FSTL5: variants seen among roughly 807,000 people sequenced by gnomAD.
FSTL5 encodes the protein follistatin like 5.
Under a neutral mutation model 89.1 loss-of-function variants are expected in FSTL5, and 62 were observed. The ratio of observed to expected loss-of-function variants is 0.70; its 90% CI spans 0.57 to 0.86. FSTL5 has a LOEUF of 0.86. Ranked by LOEUF, FSTL5 falls within the 40% of genes least tolerant of loss-of-function variation. The pLI is 0.00. For missense variants in FSTL5, 1,057 were observed against 1,001.6 expected, an observed-to-expected ratio of 1.06 and a Z score of -0.75; for synonymous variants, 383 against 346.2, an observed-to-expected ratio of 1.11 and a Z score of -1.18.
intron 1 of FSTL5, among the ~76,000 whole-genome samples, chr4:162,154,566 TG>T (rs1261714499): frequency 6.6e-6 from 1 of 152,184 alleles, no homozygotes; most frequent in African/African-American, 2.4e-5. Flanking sequence ...CCATGTTGCA[TG>T]CAATAAGTTC....
chr4:161,615,267 C>T (rs1286351604), intron 7 of FSTL5, among the ~76,000 whole-genome samples: 4 of 129,890 alleles, frequency 3.1e-5, no homozygotes, highest in African/African-American at 1.2e-4. Flanking sequence ...GCACTCCAGC[C>T]TGGGCAACAG....
At chr4:161,475,256 T>A (rs780986366) in intron 13 of FSTL5, among the ~76,000 whole-genome samples, 12 of 152,162 alleles carry the variant, frequency 7.9e-5, no homozygotes, top group Non-Finnish European at 1.6e-4. Context: ...TAGTTGGACT[T>A]TGTTGATCTT....
chr4:161,883,523 G>A (rs992913100), intron 4 of FSTL5, among the ~76,000 whole-genome samples: 37 of 151,936 alleles, frequency 2.4e-4, no homozygotes, highest in Admixed American at 2.0e-3. Flanking sequence ...CCCTTGATAC[G>A]TATTCCAATA....
At chr4:162,122,015 C>G (rs13110528) in intron 1 of FSTL5, among the ~76,000 whole-genome samples, 51,388 of 151,736 alleles carry the variant, frequency 0.34, 8,965 homozygotes, top group African/African-American at 0.41. Flanking sequence ...TACAAAGTAC[C>G]TGCTAATTGA....
At chr4:162,162,609 T>C (rs931457233) in intron 1 of FSTL5, among the ~76,000 whole-genome samples, 53 of 152,186 alleles carry the variant, frequency 3.5e-4, no homozygotes, top group African/African-American at 1.2e-3. Flanking sequence ...ACTTCTATCA[T>C]TTAATAATTG....
intron 7 of FSTL5, 139 bp from the exon 8 acceptor site, chr4:161,587,714 G>A: frequency 3.5e-6 from 2 of 574,318 alleles, no homozygotes; most frequent in South Asian, 5.4e-5. Flanking sequence ...ATTGTTGGGT[G>A]TATAAGCGTA....
intron 7 of FSTL5, among the ~76,000 whole-genome samples, chr4:161,616,174 C>A (rs1427952543): frequency 1.3e-5 from 2 of 151,946 alleles, no homozygotes; most frequent in South Asian, 2.1e-4. Context: ...GCAACCTCTG[C>A]CTCCTGGGTT....
At chr4:161,621,557 T>C (rs1735124526) in intron 7 of FSTL5, among the ~76,000 whole-genome samples, 1 of 151,834 alleles carries the variant, frequency 6.6e-6, no homozygotes, top group East Asian at 1.9e-4. Context: ...ACAATGACAA[T>C]AGAAGAAACC....
intron 4 of FSTL5, among the ~76,000 whole-genome samples, chr4:161,831,054 A>T (rs1213616743): frequency 6.6e-6 from 1 of 151,892 alleles, no homozygotes; most frequent in East Asian, 1.9e-4. Context: ...TCCAGTAAAA[A>T]GTATTCTTGT....
chr4:161,485,801 C>G (rs1729658311), intron 12 of FSTL5, among the ~76,000 whole-genome samples: 1 of 151,928 alleles, frequency 6.6e-6, no homozygotes, highest in African/African-American at 2.4e-5. Flanking sequence ...AACGTATGGA[C>G]TTTGGAAGAT....
chr4:161,785,312 T>C (rs1186814649), intron 4 of FSTL5, among the ~76,000 whole-genome samples: 2 of 152,214 alleles, frequency 1.3e-5, no homozygotes, highest in African/African-American at 4.8e-5. Flanking sequence ...GGAGTCAGTC[T>C]CAGGAGGACA....
At chr4:161,669,088 G>A (rs1475046089) in intron 6 of FSTL5, among the ~76,000 whole-genome samples, 1 of 143,118 alleles carries the variant, frequency 7.0e-6, no homozygotes, top group Non-Finnish European at 1.5e-5. Context: ...CTCCAGCCTG[G>A]GTGACAGAGT....
At chr4:161,635,310 C>G (rs1196931428) in intron 7 of FSTL5, among the ~76,000 whole-genome samples, 1 of 152,080 alleles carries the variant, frequency 6.6e-6, no homozygotes, top group Non-Finnish European at 1.5e-5. Flanking sequence ...ATTGCTTTAA[C>G]CTGGGAGGCG....
At chr4:161,686,346 ATTTTTTTTTTTTTT>A (rs1198667810) in intron 6 of FSTL5, among the ~76,000 whole-genome samples, 1 of 12,296 alleles carries the variant, frequency 8.1e-5, no homozygotes, top group African/African-American at 2.4e-4. Flanking sequence ...ATATATATAT[ATTTTTTTTTTTTTT>A]TTTTTTTTTT....
intron 6 of FSTL5, among the ~76,000 whole-genome samples, chr4:161,694,670 G>A (rs1738074226): frequency 6.6e-6 from 1 of 151,776 alleles, no homozygotes; most frequent in South Asian, 2.1e-4. Context: ...CCCATGAATG[G>A]GCATTAATTT....
At chr4:161,565,198 C>G (rs966078344) in intron 8 of FSTL5, among the ~76,000 whole-genome samples, 1 of 150,032 alleles carries the variant, frequency 6.7e-6, no homozygotes, top group African/African-American at 2.5e-5. Context: ...ATACAGATTT[C>G]TGGGATTCAT....
chr4:161,791,070 C>A (rs1729458012), intron 4 of FSTL5, among the ~76,000 whole-genome samples: 1 of 152,108 alleles, frequency 6.6e-6, no homozygotes, highest in South Asian at 2.1e-4. Flanking sequence ...AATGACCCTT[C>A]AAATCATCCT....
At chr4:161,583,648 TG>T (rs1560965510) in intron 8 of FSTL5, among the ~76,000 whole-genome samples, 7 of 152,184 alleles carry the variant, frequency 4.6e-5, no homozygotes, top group Admixed American at 3.9e-4. Context: ...TTTTTCCTTG[TG>T]GTTAAGACTA....
At chr4:161,495,199 G>A (rs1730023868) in intron 12 of FSTL5, 1 of 152,056 alleles carries the variant, frequency 6.6e-6, no homozygotes, top group South Asian at 2.1e-4. Flanking sequence ...GTAATACCAT[G>A]GCATATGTGA....
Sources: allele counts gnomAD v4.1 joint callset (sites outside exome capture counted in the v4.1 genomes callset), GRCh38; gene constraint gnomAD v4.1.1; transcripts MANE v1.5; gene names NCBI Gene and HGNC (gene_info 2026-07-23, HGNC 2026-07-21).